PALM2AKAP2: variants seen among roughly 807,000 people sequenced by gnomAD.
PALM2AKAP2 encodes the protein PALM2 and AKAP2 fusion.
PALM2AKAP2 carries 37 observed loss-of-function variants against 71.5 expected under a neutral mutation model. The observed-to-expected ratio is 0.52, with a 90% CI of 0.40 to 0.68. The LOEUF (loss-of-function observed/expected upper bound fraction) is 0.68. Ranked by LOEUF, PALM2AKAP2 falls within the 30% of genes least tolerant of loss-of-function variation. The pLI is 0.00. For synonymous variants in PALM2AKAP2, 468 were observed against 478.8 expected (o/e 0.98, Z 0.29); for missense variants, 1,224 against 1,191.8 (o/e 1.03, Z -0.40).
intron 1 of PALM2AKAP2, among the ~76,000 whole-genome samples, chr9:110,076,333 A>G (rs1834320394): frequency 1.3e-5 from 2 of 151,730 alleles, no homozygotes; most frequent in South Asian, 2.1e-4. Context: ...TCTAGTGTTT[A>G]TCTTCATAAA....
intron 1 of PALM2AKAP2, among the ~76,000 whole-genome samples, chr9:110,109,276 C>T (rs1403536752): frequency 7.5e-6 from 1 of 134,132 alleles, no homozygotes; most frequent in Non-Finnish European, 1.5e-5. Context: ...GAGATCTCGC[C>T]ATTGTACTCC....
intron 1 of PALM2AKAP2, among the ~76,000 whole-genome samples, chr9:109,764,241 G>T (rs1829108493): frequency 6.6e-6 from 1 of 152,018 alleles, no homozygotes; most frequent in Non-Finnish European, 1.5e-5. Context: ...ACCTGCAGGG[G>T]AACATCTGAC....
intron 1 of PALM2AKAP2, among the ~76,000 whole-genome samples, chr9:109,787,012 G>A (rs750749193): frequency 1.3e-5 from 2 of 152,228 alleles, no homozygotes; most frequent in Admixed American, 6.5e-5. Flanking sequence ...GGCAGTAAGA[G>A]TTGGTCATTC....
intron 1 of PALM2AKAP2, among the ~76,000 whole-genome samples, chr9:109,741,714 A>G (rs932355803): frequency 1.4e-4 from 21 of 152,162 alleles, no homozygotes; most frequent in African/African-American, 4.8e-4. Context: ...TCGTGAAAGG[A>G]TTTTCTCGTA....
At chr9:110,047,318 A>C (rs1833619830), upstream of PALM2AKAP2, among the ~76,000 whole-genome samples, 1 of 152,184 alleles carries the variant, frequency 6.6e-6, no homozygotes, top group Admixed American at 6.5e-5. Context: ...CCTTGGGTGA[A>C]AGTGTGAATA....
At chr9:109,711,529 C>T (rs1325814334) in intron 1 of PALM2AKAP2, among the ~76,000 whole-genome samples, 1 of 152,180 alleles carries the variant, frequency 6.6e-6, no homozygotes, top group Admixed American at 6.5e-5. Context: ...TACTTCAAGA[C>T]GACATTGGAG....
intron 1 of PALM2AKAP2, among the ~76,000 whole-genome samples, chr9:110,064,389 G>T (rs1247317897): frequency 6.6e-6 from 1 of 152,150 alleles, no homozygotes; most frequent in African/African-American, 2.4e-5. Context: ...GCCCAGCCTC[G>T]GTCTGGAACA....
intron 6 of PALM2AKAP2, among the ~76,000 whole-genome samples, chr9:109,941,831 AG>A (rs1289601538): frequency 6.6e-6 from 1 of 152,226 alleles, no homozygotes; most frequent in East Asian, 1.9e-4. Flanking sequence ...GGGGGAGACC[AG>A]GTAGGAAGCT....
At chr9:109,880,530 T>G in intron 2 of PALM2AKAP2, 21 bp from the exon 3 acceptor site, 1 of 1,611,868 alleles carries the variant, frequency 6.2e-7, no homozygotes, top group Non-Finnish European at 8.5e-7. Flanking sequence ...TCTTGTCTGT[T>G]GTCTTCCCTC....
intron 6 of PALM2AKAP2, among the ~76,000 whole-genome samples, chr9:109,965,963 G>C (rs1468335557): frequency 6.6e-6 from 1 of 152,192 alleles, no homozygotes; most frequent in East Asian, 1.9e-4. Flanking sequence ...ACCCAGCCAG[G>C]AGGAAATGTG....
At chr9:109,677,331 T>A (rs1827661186) in intron 1 of PALM2AKAP2, among the ~76,000 whole-genome samples, 1 of 152,176 alleles carries the variant, frequency 6.6e-6, no homozygotes, top group African/African-American at 2.4e-5. Flanking sequence ...GTGCTAGGGC[T>A]CATAGAGGGC....
chr9:109,855,920 T>C (rs1349335903), intron 1 of PALM2AKAP2, among the ~76,000 whole-genome samples: 1 of 152,198 alleles, frequency 6.6e-6, no homozygotes, highest in Admixed American at 6.5e-5. Flanking sequence ...AGAGTAATAG[T>C]CTATGATAAG....
intron 6 of PALM2AKAP2, among the ~76,000 whole-genome samples, chr9:109,982,830 C>T (rs551499215): frequency 2.0e-5 from 3 of 152,118 alleles, no homozygotes; most frequent in Admixed American, 6.5e-5. Context: ...ACTATGGTTG[C>T]GTAGGTTGGT....
chr9:109,759,913 A>G (rs1397339045), intron 1 of PALM2AKAP2, among the ~76,000 whole-genome samples: 3 of 152,174 alleles, frequency 2.0e-5, no homozygotes, highest in Non-Finnish European at 4.4e-5. Context: ...GGTGTAATTT[A>G]TATATGGCAA....
At chr9:110,026,395 A>G (rs1189027495) in intron 7 of PALM2AKAP2, among the ~76,000 whole-genome samples, 1 of 151,618 alleles carries the variant, frequency 6.6e-6, no homozygotes, top group African/African-American at 2.4e-5. Flanking sequence ...TCTCTTTTCT[A>G]TTTTCCCTTC....
chr9:110,033,539 T>C (rs1283484989), intron 7 of PALM2AKAP2, among the ~76,000 whole-genome samples: 2 of 152,216 alleles, frequency 1.3e-5, no homozygotes, highest in Non-Finnish European at 2.9e-5. Flanking sequence ...TTTTGTCCCA[T>C]TGTGCAGATG....
chr9:110,121,445 G>A (rs1835484654), intron 1 of PALM2AKAP2, among the ~76,000 whole-genome samples: 1 of 152,184 alleles, frequency 6.6e-6, no homozygotes, highest in Non-Finnish European at 1.5e-5. Flanking sequence ...GGGCCTTGGA[G>A]CAGCTTGAAA....
intron 1 of PALM2AKAP2, among the ~76,000 whole-genome samples, chr9:110,111,016 T>G (rs1478030039): frequency 6.6e-6 from 1 of 152,086 alleles, no homozygotes; most frequent in Admixed American, 6.5e-5. Flanking sequence ...TTATAGAAAT[T>G]TATTAAGCCT....
At chr9:110,008,227 A>G (rs1349095185) in intron 6 of PALM2AKAP2, among the ~76,000 whole-genome samples, 3 of 152,140 alleles carry the variant, frequency 2.0e-5, no homozygotes, top group Non-Finnish European at 4.4e-5. Context: ...GAGAGACAGG[A>G]GGACAGAAGA....
Sources: allele counts gnomAD v4.1 joint callset (sites outside exome capture counted in the v4.1 genomes callset), GRCh38; gene constraint gnomAD v4.1.1; transcripts MANE v1.5; gene names NCBI Gene and HGNC (gene_info 2026-07-23, HGNC 2026-07-21).